PNMA5: variants seen among roughly 807,000 people sequenced by gnomAD.
The protein encoded by PNMA5 is paraneoplastic antigen-like protein 5.
For missense variants in PNMA5, 334 were observed against 356.6 expected (o/e 0.94, Z 0.51); for synonymous variants, 138 against 137.9 (o/e 1.00, Z 0.00).
chrX:152,991,536 C>T lies in PNMA5; in HGVS notation c.63G>A (p.Leu21=), dbSNP rs781830252. 1 of 1,191,076 alleles carries T rather than the reference C, an allele frequency of 8.4e-7. No homozygotes were observed. The highest frequency in any genetic ancestry group is 1.9e-5 in the South Asian group (1 of 51,815). ...KGMDMDPRKA[L]LIVGIPMECS... ...ACTCCATGGGGATGCCTACAATCAG[C>T]AGGGCCTTTCTGGGGTCCATGTCCA... Residue 21 remains leucine (L), a synonymous_variant, in exon 4 of 4, where the codon CTG becomes CTA. Coordinates refer to ENST00000535214, the MANE Select transcript of PNMA5 (RefSeq NM_001184924.2).
rs781950140 is a variant in PNMA5, at chrX:152,990,381, A to ATGG, written c.1215_1217dup (p.His406dup). 3.4e-6 allele frequency: 4 copies of ATGG among 1,173,438 alleles called. No homozygotes were observed. The highest frequency in any genetic ancestry group is 3.6e-5 in the African/African-American group (2 of 55,618). On this transcript the variant is annotated inframe_insertion, in exon 4 of 4. Transcript: ENST00000535214. ...CAGCCTTGGGATACGTGGCCTGGCC[A>ATGG]TGGTCTTCTCCCCTAGTGCTTTCAC...
chrX:152,990,779 C>T lies in PNMA5; in HGVS notation c.820G>A (p.Val274Met), dbSNP rs144036507. ...CGCACTGACAAGGGGCTCTTGTGCA[C>T]GGCTTTCTGCAGCAGGGGCTCTAAG... ...LRLEPLLQKA[V>M]HKSPLSVRST... The change falls in exon 4 of 4, where the codon GTG becomes ATG. Residue 274 changes from valine to methionine, a missense_variant. By Grantham distance (21) the Val-to-Met change is conservative. Transcript: ENST00000535214. 6.0e-4 allele frequency: 712 copies of T among 1,186,735 alleles called. No homozygotes were observed. The highest frequency in any genetic ancestry group is 7.5e-4 in the Non-Finnish European group (667 of 884,885).
Position 152,991,512 on chromosome X carries a change from C to T in PNMA5, c.87G>A (p.Glu29=). Residue 29 remains glutamate (E), a synonymous_variant, in exon 4 of 4, where the codon GAG becomes GAA. Transcript: ENST00000535214. The stretch of plus-strand genomic sequence containing the variant: ...TGTCCTGAATTTCCACCTCACTACA[C>T]TCCATGGGGATGCCTACAATCAGCA... ...KALLIVGIPM[E]CSEVEIQDTV... 2 of 1,203,679 alleles carry T rather than the reference C, an allele frequency of 1.7e-6. No individual in the cohort carries two copies. The highest frequency in any genetic ancestry group is 5.9e-5 in the East Asian group (2 of 33,799).
In PNMA5 at chrX:152,990,399, G is replaced by A. The variant is rs782266323; in HGVS notation, c.1200C>T (p.Ser400=). The A allele has an allele frequency of 8.5e-7, 1 of 1,172,053 alleles. No homozygotes were observed. Among genetic ancestry groups the A allele is most frequent in the Non-Finnish European group, 1.1e-6 (1 of 880,113 alleles). The part of the protein sequence containing the change: ...VKRRRLLGSE[S]TRGEDHGQAT... Reference sequence around the variant, plus strand: ...CCTGGCCATGGTCTTCTCCCCTAGTGCTTTCACTGCCTAACAGCCGCCTGC... The same window carrying A: ...CCTGGCCATGGTCTTCTCCCCTAGTACTTTCACTGCCTAACAGCCGCCTGC... The change falls in exon 4 of 4, where the codon AGC becomes AGT. Residue 400 remains serine, a synonymous_variant. Coordinates refer to ENST00000535214, the MANE Select transcript of PNMA5 (RefSeq NM_001184924.2).
At chrX:152,991,794 C>T in intron 3 of PNMA5, 73 bp from the exon 4 acceptor site, 2 of 476,240 alleles carry the variant, frequency 4.2e-6, no homozygotes, top group Non-Finnish European at 6.2e-6. Context: ...CCTCCTCTGC[C>T]CCCACCCCCA....
Position 152,990,906 on chromosome X carries a change from T to C in PNMA5, c.693A>G (p.Leu231=). The part of the protein sequence containing the change: ...SITVEQCLDA[L]KQIFGDKEDF... ...CCTCTTTATCCCCAAAGATCTGCTT[T>C]AGGGCGTCAAGGCACTGCTCCACAG... is the stretch of plus-strand genomic sequence containing the variant. The change falls in exon 4 of 4, where the codon CTA becomes CTG. Residue 231 remains leucine (L), a synonymous_variant. Coordinates refer to ENST00000535214, the MANE Select transcript of PNMA5 (RefSeq NM_001184924.2). The C allele has an allele frequency of 8.3e-7, 1 of 1,205,515 alleles. No individual in the cohort carries two copies. Among genetic ancestry groups the C allele is most frequent in the South Asian group, 1.8e-5 (1 of 55,357 alleles).
At position 152,991,674 on chromosome X, in the gene PNMA5, A is replaced by G; in HGVS notation, c.-76T>C. On this transcript the variant is annotated 5_prime_UTR_variant, in exon 4 of 4. Transcript: ENST00000535214. ...GTTTGACAGCACTCAAATAACTCTG[A>G]GCCACTGCCACGTAGGAAGGCAGAA... 9.2e-7 allele frequency: 1 copy of G among 1,084,492 alleles called. No individual in the cohort carries two copies. Among genetic ancestry groups the G allele is most frequent in the South Asian group, 2.8e-5 (1 of 35,092 alleles). The allele number at this position is 1,084,492 out of a possible 1,213,427, so 89.4% of individuals were successfully genotyped here. A position where few individuals can be genotyped will look rare whatever the true frequency, so the allele number is the denominator to read the frequency against.
rs782351130 is a variant in PNMA5, at chrX:152,991,312, C to T, written c.287G>A (p.Arg96His). The change falls in exon 4 of 4, where the codon CGT (arginine) becomes CAT (histidine). Residue 96 changes from arginine to histidine, a missense_variant. Arg to His is a conservative substitution (Grantham distance 29). Transcript: ENST00000535214. Reference protein sequence around the residue: ...GGSWEVVVKPRNPDDEFLSRL... With the variant: ...GGSWEVVVKPHNPDDEFLSRL... ...ACTGAGAAACTCATCATCTGGGTTACGGGGTTTTACCACCACTTCCCAGGA... is the reference window on the plus strand; with the variant it reads ...ACTGAGAAACTCATCATCTGGGTTATGGGGTTTTACCACCACTTCCCAGGA... The T allele has an allele frequency of 9.9e-6, 12 of 1,208,424 alleles. No homozygotes were observed. The highest frequency in any genetic ancestry group is 7.0e-5 in the African/African-American group (4 of 57,095).
At chrX:152,993,811 C>T (rs2050927897) in intron 1 of PNMA5, among the ~76,000 whole-genome samples, 1 of 112,805 alleles carries the variant, frequency 8.9e-6, no homozygotes, top group African/African-American at 3.2e-5. Flanking sequence ...TCCCAAAGTG[C>T]TGGGATTACA....
chrX:152,991,582 A>G lies in PNMA5; in HGVS notation c.17T>C (p.Leu6Pro). Residue 6 changes from leucine (L) to proline (P), a missense_variant, in exon 4 of 4, where the codon CTA (leucine) becomes CCA (proline). Leu to Pro is a moderately conservative substitution (Grantham distance 98, BLOSUM62 -3). Coordinates refer to ENST00000535214, the MANE Select transcript of PNMA5 (RefSeq NM_001184924.2). ...GTCCATCCCCTTGCACCAATCCTCT[A>G]GCAGTGTCAGTGCCATTGCTCCCAC... is the stretch of plus-strand genomic sequence containing the variant. MALTL[L>P]EDWCKGMDMD... 8.7e-7 allele frequency: 1 copy of G among 1,150,931 alleles called. No homozygotes were observed. Among genetic ancestry groups the G allele is most frequent in the Non-Finnish European group, 1.2e-6 (1 of 867,052 alleles). The allele number at this position is 1,150,931 out of a possible 1,213,427, so 94.8% of individuals were successfully genotyped here. A position where few individuals can be genotyped will look rare whatever the true frequency, so the allele number is the denominator to read the frequency against.
Position 152,990,405 on chromosome X carries a change from A to G in PNMA5, c.1194T>C (p.Ser398=), listed in dbSNP as rs1556924174. The G allele has an allele frequency of 8.6e-7, 1 of 1,167,888 alleles. No homozygotes were observed. Among genetic ancestry groups the G allele is most frequent in the Non-Finnish European group, 1.1e-6 (1 of 878,306 alleles). ...CATGGTCTTCTCCCCTAGTGCTTTC[A>G]CTGCCTAACAGCCGCCTGCGTTTCA... ...PLVKRRRLLG[S]ESTRGEDHGQ... is the part of the protein sequence containing the mutation. The change falls in exon 4 of 4, where the codon AGT becomes AGC. Residue 398 remains serine, a synonymous_variant. Transcript: ENST00000535214.
rs782714905 is a variant in PNMA5 at position 152,990,239 on chromosome X, C to A, written c.*13G>T. 1 of 1,070,418 alleles carries A rather than the reference C, an allele frequency of 9.3e-7. No homozygotes were observed. Among genetic ancestry groups the A allele is most frequent in the Non-Finnish European group, 1.2e-6 (1 of 825,885 alleles). The allele number at this position is 1,070,418 out of a possible 1,213,427, so 88.2% of individuals were successfully genotyped here. A position where few individuals can be genotyped will look rare whatever the true frequency, so the allele number is the denominator to read the frequency against. ...CTGCCTGCCAGGGGAAGGAGTGCTT[C>A]GGTCTTCTGAGCCTATGTTTCCCAG... is the stretch of plus-strand genomic sequence containing the variant. On this transcript the variant is annotated 3_prime_UTR_variant, in exon 4 of 4. Transcript: ENST00000535214.
intron 1 of PNMA5, among the ~76,000 whole-genome samples, chrX:152,993,687 G>A (rs1481180244): frequency 8.9e-6 from 1 of 112,628 alleles, no homozygotes; most frequent in African/African-American, 3.2e-5. Context: ...TGGGATTACA[G>A]GCGTACACCA....
chrX:152,992,913 T>A (rs1341876508), intron 1 of PNMA5, 127 bp from the exon 2 acceptor site: 5 of 100,264 alleles, frequency 5.0e-5, no homozygotes, highest in Non-Finnish European at 1.0e-4. Flanking sequence ...TAGAAGAAAC[T>A]GCTCAACTGA....
rs1367411862 is a variant in PNMA5 at position 152,990,733 on chromosome X, A to C, written c.866T>G (p.Leu289Arg). Reference sequence around the variant, plus strand: ...GGCGACCCGAGCTAAGAGATGTTTCAGACGAATCATGTCTGTGCTGCGCAC... The same window carrying C: ...GGCGACCCGAGCTAAGAGATGTTTCCGACGAATCATGTCTGTGCTGCGCAC... ...LSVRSTDMIR[L>R]KHLLARVAMT... The change falls in exon 4 of 4, where the codon CTG (leucine) becomes CGG (arginine). Residue 289 changes from leucine (L) to arginine (R), a missense_variant. Physicochemically the swap from Leu to Arg is moderately radical, Grantham distance 102. Transcript: ENST00000535214. The C allele has an allele frequency of 4.2e-6, 5 of 1,196,978 alleles. No individual in the cohort carries two copies. Among genetic ancestry groups the C allele is most frequent in the Non-Finnish European group, 5.6e-6 (5 of 889,681 alleles).
Position 152,990,299 on chromosome X carries a change from C to A in PNMA5, c.1300G>T (p.Glu434Ter), listed in dbSNP as rs1398116219. ...PQAAGEELGN[E>*]AGAGAMSHPK... ...TGGCTCATGGCCCCAGCCCCTGCCTCGTTTCCCAACTCCTCTCCTGCAGCC... is the reference window on the plus strand; with the variant it reads ...TGGCTCATGGCCCCAGCCCCTGCCTAGTTTCCCAACTCCTCTCCTGCAGCC... Residue 434 changes from glutamate to a stop codon, truncating the protein, a stop_gained, in exon 4 of 4, where the codon GAG (glutamate) becomes TAG (stop). Transcript: ENST00000535214. LOFTEE classifies it low-confidence loss of function (END_TRUNC). The A allele has an allele frequency of 8.8e-7, 1 of 1,131,310 alleles. No individual in the cohort carries two copies. Among genetic ancestry groups the A allele is most frequent in the Non-Finnish European group, 1.2e-6 (1 of 861,704 alleles). 93.2% of individuals were successfully genotyped at this position (1,131,310 alleles called of 1,213,427 possible).
At chrX:152,992,894 G>C (rs149121988) in intron 1 of PNMA5, 108 bp from the exon 2 acceptor site, 1 of 106,740 alleles carries the variant, frequency 9.4e-6, no homozygotes, top group African/African-American at 3.4e-5. Context: ...TAGGACCCTG[G>C]TGCAGGGATA....
chrX:152,991,846 T>A lies in PNMA5; in HGVS notation c.-124+56A>T, dbSNP rs781830728. On this transcript the variant is annotated intron_variant, in intron 3 of 3. Coordinates refer to ENST00000535214, the MANE Select transcript of PNMA5 (RefSeq NM_001184924.2). ...TTTCTTCCCAGGGTTCCCCAAGTCA[T>A]TTTGGGGAGGGTAGAGTGTGGAGGT... 11 of 327,912 alleles carry A rather than the reference T, an allele frequency of 3.4e-5. 1 individual carries two copies. Among genetic ancestry groups the A allele is most frequent in the African/African-American group, 1.9e-4 (7 of 36,600 alleles). 27.0% of individuals were successfully genotyped at this position (327,912 alleles called of 1,213,427 possible).
rs142107812 is a variant in PNMA5, at chrX:152,991,171, C to A, written c.428G>T (p.Arg143Ile). 1.1e-4 allele frequency: 138 copies of A among 1,205,429 alleles called. 2 individuals carry two copies. In the East Asian group the frequency reaches 3.7e-3, roughly 33 times the overall value. ...SLDAEVMPQV[R>I]SPPLEPPKES... Reference sequence around the variant, plus strand: ...TTTCGGAGGCTCTAAAGGTGGGGATCTAACTTGGGGCATGACCTCTGCATC... The same window carrying A: ...TTTCGGAGGCTCTAAAGGTGGGGATATAACTTGGGGCATGACCTCTGCATC... Residue 143 changes from arginine to isoleucine, a missense_variant, in exon 4 of 4, where the codon AGA becomes ATA. By Grantham distance (97) the Arg-to-Ile change is moderately conservative. Transcript: ENST00000535214.
Sources: allele counts gnomAD v4.1 joint callset (sites outside exome capture counted in the v4.1 genomes callset), GRCh38; gene constraint gnomAD v4.1.1; transcripts MANE v1.5; gene names NCBI Gene and HGNC (gene_info 2026-07-23, HGNC 2026-07-21).